Variants in TOX observed in about 807,000 individuals in gnomAD.
TOX encodes the protein thymocyte selection associated high mobility group box.
A neutral mutation model predicts 53.7 loss-of-function variants in TOX; 11 were observed. The observed-to-expected ratio is 0.20, with a 90% CI of 0.13 to 0.34. The LOEUF (loss-of-function observed/expected upper bound fraction) is 0.34, where lower values mean the gene tolerates loss of function less well. Among genes scored for constraint, TOX ranks in the 10% least tolerant of loss-of-function variants. The probability of loss-of-function intolerance (pLI) is 1.00; values close to 1 mark genes in which losing one functional copy is unlikely to be tolerated. For synonymous variants in TOX, 225 were observed against 245.3 expected, an observed-to-expected ratio of 0.92 and a Z score of 0.77; for missense variants, 570 against 664.6, an observed-to-expected ratio of 0.86 and a Z score of 1.56.
At position 58,808,133 on chromosome 8, in the gene TOX, T is replaced by C. The variant is rs1312944887; in HGVS notation, c.1529A>G (p.Asp510Gly). 3.0e-5 allele frequency: 49 copies of C among 1,613,022 alleles called. No homozygotes were observed. Among genetic ancestry groups the C allele is most frequent in the Non-Finnish European group, 4.0e-5 (47 of 1,179,576 alleles). ...GGCCGCTTACCCACTACTGCAGTAG[T>C]CGTTATTCCAGTCCACCGGTTGTGG... is the stretch of plus-strand genomic sequence containing the variant. ...PPPQPVDWNN[D>G]YCSSGGMQRD... Residue 510 changes from aspartate to glycine, a missense_variant, in exon 8 of 9, where the codon GAC (aspartate) becomes GGC (glycine). Transcript: ENST00000361421.
chr8:58,812,419 T>C (rs1810099721), intron 7 of TOX, among the ~76,000 whole-genome samples: 1 of 152,158 alleles, frequency 6.6e-6, no homozygotes, highest in Non-Finnish European at 1.5e-5. Flanking sequence ...CATCCCCAGA[T>C]TGGCTCTCCC....
chr8:58,966,903 C>A lies in TOX; in HGVS notation c.103-6895G>T, dbSNP rs1812912872. Among the ~76,000 whole-genome samples, 4 of 125,822 alleles carry A rather than the reference C, an allele frequency of 3.2e-5. No homozygotes were observed. In the Admixed American group the frequency reaches 3.7e-4, roughly 12 times the overall value. 82.5% of individuals were successfully genotyped at this position (125,822 alleles called of 152,430 possible). The stretch of plus-strand genomic sequence containing the variant: ...TTTTTTTTTTTTTTTTAGATGGAGT[C>A]TTGCTCTGTCGCCCAGGCTGGAGTG... On this transcript the variant is annotated intron_variant, in intron 1 of 8. Transcript: ENST00000361421.
At chr8:59,092,083 C>T (rs1340075203) in intron 1 of TOX, among the ~76,000 whole-genome samples, 1 of 150,886 alleles carries the variant, frequency 6.6e-6, no homozygotes, top group South Asian at 2.1e-4. Flanking sequence ...AGTCCTGTCT[C>T]TACTAAAAAT....
intron 1 of TOX, among the ~76,000 whole-genome samples, chr8:59,071,188 C>A (rs935832802): frequency 1.3e-5 from 2 of 152,108 alleles, no homozygotes; most frequent in Non-Finnish European, 2.9e-5. Context: ...ATTCCACTTG[C>A]AAGGAGGGAG....
chr8:58,995,182 A>G (rs1813538975), intron 1 of TOX, among the ~76,000 whole-genome samples: 1 of 152,236 alleles, frequency 6.6e-6, no homozygotes, highest in Admixed American at 6.5e-5. Flanking sequence ...AATAATTGCT[A>G]TAATGGAGAT....
At chr8:58,937,580 A>T (rs1812367297) in intron 3 of TOX, among the ~76,000 whole-genome samples, 1 of 152,242 alleles carries the variant, frequency 6.6e-6, no homozygotes, top group South Asian at 2.1e-4. Flanking sequence ...TTTGTTTAAG[A>T]GTGACGTCTC....
intron 1 of TOX, among the ~76,000 whole-genome samples, chr8:59,053,197 G>A (rs1287566243): frequency 1.3e-5 from 2 of 151,860 alleles, no homozygotes; most frequent in Non-Finnish European, 2.9e-5. Context: ...TAAGCCATTC[G>A]GTATCAAAAT....
intron 1 of TOX, among the ~76,000 whole-genome samples, chr8:59,084,895 A>G (rs1412270001): frequency 6.6e-6 from 1 of 152,216 alleles, no homozygotes; most frequent in African/African-American, 2.4e-5. Context: ...CCCAAATCCC[A>G]AACTAAAATA....
chr8:59,026,430 G>A (rs1814239737), intron 1 of TOX, among the ~76,000 whole-genome samples: 1 of 152,148 alleles, frequency 6.6e-6, no homozygotes, highest in African/African-American at 2.4e-5. Flanking sequence ...TAAAAAAGGA[G>A]GCAGGGCACA....
intron 1 of TOX, among the ~76,000 whole-genome samples, chr8:59,080,216 C>A (rs560977312): frequency 1.3e-5 from 2 of 152,020 alleles, no homozygotes; most frequent in Admixed American, 1.3e-4. Context: ...CTCCTGACCT[C>A]GTGATCCACC....
intron 3 of TOX, among the ~76,000 whole-genome samples, chr8:58,903,729 C>T (rs932654233): frequency 3.9e-5 from 6 of 152,156 alleles, no homozygotes; most frequent in Non-Finnish European, 7.4e-5. Context: ...TCCCCCTAGT[C>T]TTGCATCCTT....
intron 1 of TOX, among the ~76,000 whole-genome samples, chr8:59,095,464 T>C (rs1181002381): frequency 6.6e-6 from 1 of 152,190 alleles, no homozygotes; most frequent in African/African-American, 2.4e-5. Flanking sequence ...TGGAGTGCAA[T>C]GGCATGATCT....
chr8:58,955,732 C>CTT lies in TOX; in HGVS notation c.168+4209_168+4210dup, dbSNP rs35575258. On this transcript the variant is annotated intron_variant, in intron 2 of 8. Coordinates refer to ENST00000361421, the MANE Select transcript of TOX (RefSeq NM_014729.3). ...AAACAGGCAGCCGTGGAAAAGGACA[C>CTT]TTTTTTTTTTTTTTTTTTTTGAGAC... Among the ~76,000 whole-genome samples, 316 of 130,370 alleles carry CTT rather than the reference C, an allele frequency of 2.4e-3. 2 individuals carry two copies. The highest frequency in any genetic ancestry group is 7.7e-3 in the African/African-American group (272 of 35,206). 85.5% of individuals were successfully genotyped at this position (130,370 alleles called of 152,430 possible). A position where few individuals can be genotyped will look rare whatever the true frequency, so the allele number is the denominator to read the frequency against.
At chr8:58,960,695 G>T (rs1182499680) in intron 1 of TOX, among the ~76,000 whole-genome samples, 8 of 152,104 alleles carry the variant, frequency 5.3e-5, no homozygotes, top group Non-Finnish European at 1.2e-4. Flanking sequence ...GTTAGGAAAA[G>T]GATGAAAGAA....
chr8:58,808,960 T>C (rs1010369527), intron 7 of TOX, among the ~76,000 whole-genome samples: 3 of 152,216 alleles, frequency 2.0e-5, no homozygotes, highest in Non-Finnish European at 4.4e-5. Context: ...CAAACAATAA[T>C]CAGACTTCAG....
At chr8:59,093,003 G>GA (rs147959143) in intron 1 of TOX, among the ~76,000 whole-genome samples, 2,531 of 152,298 alleles carry the variant, frequency 0.017, 59 homozygotes, top group African/African-American at 0.058. Context: ...TGGCAAGGGG[G>GA]ATCCCAACAC....
intron 3 of TOX, among the ~76,000 whole-genome samples, chr8:58,905,711 C>T (rs764507953): frequency 2.8e-4 from 43 of 152,212 alleles, no homozygotes; most frequent in East Asian, 1.9e-4. Context: ...GAGTTCACAA[C>T]GTGCGCCATG....
At chr8:58,847,932 T>C (rs910486218) in intron 4 of TOX, among the ~76,000 whole-genome samples, 2 of 152,094 alleles carry the variant, frequency 1.3e-5, no homozygotes, top group Admixed American at 6.6e-5. Context: ...GCATGTTCCC[T>C]GCAGACCTTC....
intron 1 of TOX, among the ~76,000 whole-genome samples, chr8:59,066,760 G>C (rs1028343404): frequency 6.6e-6 from 1 of 152,190 alleles, no homozygotes; most frequent in African/African-American, 2.4e-5. Flanking sequence ...AGAAAGAAGT[G>C]AACGAAAGTT....
Sources: gnomAD v4.1 joint callset for allele counts (sites outside exome capture counted in the v4.1 genomes callset) on GRCh38, gnomAD v4.1.1 for gene constraint, MANE v1.5 for transcripts, NCBI Gene and HGNC (gene_info 2026-07-23, HGNC 2026-07-21) for gene names.